SRRM4: variants seen among roughly 807,000 people sequenced by gnomAD.
SRRM4 encodes the protein serine/arginine repetitive matrix 4.
SRRM4 carries 33 observed loss-of-function variants against 68.9 expected under a neutral mutation model. The observed-to-expected ratio is 0.48, with a 90% confidence interval of 0.36 to 0.64. SRRM4 has a LOEUF of 0.64. Ranked by LOEUF, SRRM4 falls within the 30% of genes least tolerant of loss-of-function variation. The pLI is 0.00. For missense variants in SRRM4, 817 were observed against 827.1 expected, an observed-to-expected ratio of 0.99 and a Z score of 0.15; for synonymous variants, 318 against 318.8, an observed-to-expected ratio of 1.00 and a Z score of 0.03.
At chr12:119,051,302 A>G (rs564947652) in intron 1 of SRRM4, among the ~76,000 whole-genome samples, 1 of 152,290 alleles carries the variant, frequency 6.6e-6, no homozygotes, top group South Asian at 2.1e-4. Context: ...CATATTTACA[A>G]CACTCAACAG....
intron 10 of SRRM4, among the ~76,000 whole-genome samples, 200 bp downstream of exon 10, chr12:119,151,420 AAT>A (rs149771283): frequency 0.073 from 11,072 of 152,256 alleles, 500 homozygotes; most frequent in East Asian, 0.21. Context: ...AATATGAAGA[AAT>A]AGCAATTCTT....
At chr12:119,030,501 C>CAA (rs57827916) in intron 1 of SRRM4, among the ~76,000 whole-genome samples, 10 of 151,768 alleles carry the variant, frequency 6.6e-5, no homozygotes, top group Non-Finnish European at 1.3e-4. Context: ...TTTTTGATTA[C>CAA]AAAAAAAAGT....
intron 2 of SRRM4, among the ~76,000 whole-genome samples, chr12:119,107,064 T>C (rs1454983118): frequency 6.6e-6 from 1 of 152,252 alleles, no homozygotes; most frequent in East Asian, 1.9e-4. Flanking sequence ...TCTATTGAGA[T>C]AATCCTGTGG....
At chr12:119,110,641 T>C (rs150029734) in intron 2 of SRRM4, among the ~76,000 whole-genome samples, 11,745 of 152,218 alleles carry the variant, frequency 0.077, 506 homozygotes, top group Admixed American at 0.1. Flanking sequence ...TGGGATATAA[T>C]CTCCTGGTGT....
At chr12:119,043,571 T>C (rs896104418) in intron 1 of SRRM4, among the ~76,000 whole-genome samples, 3 of 144,576 alleles carry the variant, frequency 2.1e-5, no homozygotes, top group Non-Finnish European at 4.6e-5. Context: ...GAAAAATAAA[T>C]AAATACATGC....
chr12:119,160,835 G>T lies in SRRM4; in HGVS notation c.*4037G>T, dbSNP rs1954508731. ...TCATGAAAGTAAAAACGAAAAGCAA[G>T]ATTTGATCTCCCTTCAGTTAATTAG... is the stretch of plus-strand genomic sequence containing the variant. On this transcript the variant is annotated 3_prime_UTR_variant, in exon 13 of 13. Transcript: ENST00000267260. 6.6e-6 allele frequency: 1 copy of T among 152,224 alleles called. No homozygotes were observed. The highest frequency in any genetic ancestry group is 2.4e-5 in the African/African-American group (1 of 41,450). The allele number at this position is 152,224 out of a possible 1,614,324, so 9.4% of individuals were successfully genotyped here. A position where few individuals can be genotyped will look rare whatever the true frequency, so the allele number is the denominator to read the frequency against.
intron 1 of SRRM4, among the ~76,000 whole-genome samples, chr12:119,022,050 A>G (rs1468664340): frequency 6.6e-6 from 1 of 152,160 alleles, no homozygotes; most frequent in Non-Finnish European, 1.5e-5. Flanking sequence ...GCAAAGCATC[A>G]GGATAAATAG....
chr12:119,140,781 G>T, intron 8 of SRRM4, among the ~76,000 whole-genome samples: 1 of 152,218 alleles, frequency 6.6e-6, no homozygotes, highest in East Asian at 1.9e-4. Context: ...GAGCCTCTGG[G>T]TGCTTTCTCC....
At chr12:119,101,932 A>G (rs532147212) in intron 1 of SRRM4, among the ~76,000 whole-genome samples, 2 of 152,310 alleles carry the variant, frequency 1.3e-5, no homozygotes, top group East Asian at 3.9e-4. Context: ...TCTCTCTTGC[A>G]AAGTCTGATG....
intron 1 of SRRM4, among the ~76,000 whole-genome samples, chr12:118,982,336 A>T (rs904934451): frequency 6.6e-6 from 1 of 152,144 alleles, no homozygotes; most frequent in Non-Finnish European, 1.5e-5. Context: ...CAGAGTCCAG[A>T]GGGCAGGTGG....
chr12:118,991,761 G>A (rs948656027), intron 1 of SRRM4: 17 of 152,332 alleles, frequency 1.1e-4, no homozygotes, highest in African/African-American at 4.1e-4. Context: ...TGGGGACTAT[G>A]CCTGTCTCAT....
intron 9 of SRRM4, among the ~76,000 whole-genome samples, chr12:119,146,780 C>A (rs1037792269): frequency 6.6e-6 from 1 of 151,752 alleles, no homozygotes; most frequent in Non-Finnish European, 1.5e-5. Context: ...ACTAAAAATA[C>A]AAAAATTTAG....
chr12:119,037,119 C>A (rs1015550059), intron 1 of SRRM4, among the ~76,000 whole-genome samples: 1 of 152,064 alleles, frequency 6.6e-6, no homozygotes. Context: ...CACCATTTTT[C>A]CTGGGCGTGG....
At chr12:119,019,574 A>G (rs1953501729) in intron 1 of SRRM4, among the ~76,000 whole-genome samples, 4 of 152,132 alleles carry the variant, frequency 2.6e-5, no homozygotes, top group Non-Finnish European at 5.9e-5. Flanking sequence ...GCAACTGCTC[A>G]TGCACCCTGT....
intron 1 of SRRM4, among the ~76,000 whole-genome samples, chr12:118,982,669 G>GTTTTTTTTTTTTTTT (rs10533651): frequency 1.7e-5 from 2 of 115,720 alleles, no homozygotes; most frequent in Non-Finnish European, 1.7e-5. Context: ...GTTTTATTTT[G>GTTTTTTTTTTTTTTT]TTTTTTTTTG....
intron 1 of SRRM4, among the ~76,000 whole-genome samples, chr12:118,997,929 G>T (rs757008120): frequency 2.6e-5 from 4 of 152,054 alleles, no homozygotes; most frequent in Non-Finnish European, 4.4e-5. Flanking sequence ...AGCTTGTAAG[G>T]CACTAATTGT....
chr12:119,054,872 C>T (rs962674257), intron 1 of SRRM4, among the ~76,000 whole-genome samples: 1 of 152,152 alleles, frequency 6.6e-6, no homozygotes, highest in African/African-American at 2.4e-5. Context: ...ACAGTTTCTT[C>T]CTAATGGTTT....
At chr12:119,017,831 C>T (rs2136000264) in intron 1 of SRRM4, among the ~76,000 whole-genome samples, 1 of 152,266 alleles carries the variant, frequency 6.6e-6, no homozygotes, top group East Asian at 1.9e-4. Flanking sequence ...AGCTTATCTG[C>T]TCCCACCCAC....
At chr12:119,008,538 C>T (rs528203641) in intron 1 of SRRM4, among the ~76,000 whole-genome samples, 35 of 152,054 alleles carry the variant, frequency 2.3e-4, no homozygotes, top group African/African-American at 8.4e-4. Flanking sequence ...TGTGTAACAC[C>T]TAACCATGTT....
Sources: gnomAD v4.1 joint callset for allele counts (sites outside exome capture counted in the v4.1 genomes callset) on GRCh38, gnomAD v4.1.1 for gene constraint, MANE v1.5 for transcripts, NCBI Gene and HGNC (gene_info 2026-07-23, HGNC 2026-07-21) for gene names.